CUL2: variants seen among roughly 807,000 people sequenced by gnomAD.
The protein encoded by CUL2 is cullin 2.
Under a neutral mutation model 110.2 loss-of-function variants are expected in CUL2, and 22 were observed. The ratio of observed to expected loss-of-function variants is 0.20; its 90% CI spans 0.14 to 0.28. CUL2 has a LOEUF of 0.28. Ranked by LOEUF, CUL2 falls within the 10% of genes least tolerant of loss-of-function variation. The pLI is 1.00. For missense variants in CUL2, 631 were observed against 905.5 expected (o/e 0.70, Z 3.89); for synonymous variants, 279 against 293.2 (o/e 0.95, Z 0.49).
intron 1 of CUL2, among the ~76,000 whole-genome samples, chr10:35,084,963 C>CA (rs1222246877): frequency 2.6e-5 from 4 of 150,984 alleles, no homozygotes; most frequent in Non-Finnish European, 5.9e-5. Flanking sequence ...ACTAAAAATA[C>CA]AAAAAAATTA....
At chr10:35,102,742 G>T (rs1433847109) in intron 1 of CUL2, among the ~76,000 whole-genome samples, 1 of 151,926 alleles carries the variant, frequency 6.6e-6, no homozygotes, top group Non-Finnish European at 1.5e-5. Flanking sequence ...AATTAGCCGG[G>T]TGCAGTGGCA....
chr10:35,017,796 G>A (rs2085074290), intron 17 of CUL2, among the ~76,000 whole-genome samples: 2 of 150,746 alleles, frequency 1.3e-5, no homozygotes, highest in Admixed American at 1.3e-4. Context: ...GGAGACAGCA[G>A]CATGACATCA....
In CUL2 at chr10:35,106,297, GTTTTTTGTTTTT is replaced by G. The variant is rs1431438005; in HGVS notation, c.-50-5249_-50-5238del. ...TTAGCCTCCTATAAAAAATAAATGT[GTTTTTTGTTTTT>G]TTTTTTGTGGGTTTTTTTTTGTTTG... On this transcript the variant is annotated intron_variant, in intron 1 of 5. Coordinates refer to the CUL2 transcript ENST00000685421. Among the ~76,000 whole-genome samples, 8 of 146,948 alleles carry G rather than the reference GTTTTTTGTTTTT, an allele frequency of 5.4e-5. No homozygotes were observed. In the East Asian group the frequency reaches 1.4e-3, roughly 25 times the overall value.
chr10:35,087,334 A>G (rs1303854458), intron 1 of CUL2, among the ~76,000 whole-genome samples: 1 of 152,220 alleles, frequency 6.6e-6, no homozygotes, highest in Non-Finnish European at 1.5e-5. Context: ...ATACCAATAA[A>G]TAAATGCTGA....
At chr10:35,124,332 A>T (rs1453671110) in intron 1 of CUL2, among the ~76,000 whole-genome samples, 1 of 152,198 alleles carries the variant, frequency 6.6e-6, no homozygotes, top group African/African-American at 2.4e-5. Flanking sequence ...CTATAATCCC[A>T]GCACTTTCAG....
chr10:35,085,123 AAAT>A (rs1160833454), intron 1 of CUL2, among the ~76,000 whole-genome samples: 1 of 151,678 alleles, frequency 6.6e-6, no homozygotes, highest in African/African-American at 2.4e-5. Flanking sequence ...CCATCTCAAA[AAAT>A]AATAATAATA....
intron 1 of CUL2, among the ~76,000 whole-genome samples, chr10:35,072,120 C>T (rs1289530316): frequency 1.3e-5 from 2 of 152,034 alleles, no homozygotes; most frequent in East Asian, 1.9e-4. Context: ...AAAGGCTTTA[C>T]CTTCCTGGAG....
chr10:35,084,195 TGA>T (rs2087006815), intron 1 of CUL2, among the ~76,000 whole-genome samples: 1 of 152,160 alleles, frequency 6.6e-6, no homozygotes. Flanking sequence ...GAGAATCACT[TGA>T]ACCCAGGAGG....
At chr10:35,020,751 A>G (rs1335911556) in intron 17 of CUL2, among the ~76,000 whole-genome samples, 1 of 152,142 alleles carries the variant, frequency 6.6e-6, no homozygotes, top group African/African-American at 2.4e-5. Flanking sequence ...CTCTTTATCA[A>G]GTATCTGTAT....
intron 2 of CUL2, among the ~76,000 whole-genome samples, chr10:35,066,443 G>A (rs2086528089): frequency 6.6e-6 from 1 of 151,088 alleles, no homozygotes; most frequent in Admixed American, 6.7e-5. Flanking sequence ...GATTACAGTT[G>A]AGCGCCACCA....
chr10:35,059,240 A>G (rs2086321225), intron 4 of CUL2, among the ~76,000 whole-genome samples: 1 of 152,212 alleles, frequency 6.6e-6, no homozygotes, highest in African/African-American at 2.4e-5. Flanking sequence ...TACTGCAGGT[A>G]AAATGCTATC....
intron 2 of CUL2, among the ~76,000 whole-genome samples, chr10:35,070,981 A>G (rs2086662167): frequency 6.6e-6 from 1 of 152,206 alleles, no homozygotes; most frequent in African/African-American, 2.4e-5. Flanking sequence ...AGCCTAAAGT[A>G]GTCCTTGACA....
intron 1 of CUL2, among the ~76,000 whole-genome samples, chr10:35,085,244 C>T (rs2087032160): frequency 6.6e-6 from 1 of 150,942 alleles, no homozygotes; most frequent in African/African-American, 2.4e-5. Flanking sequence ...CTGGCTAACA[C>T]AGTGAAACCC....
At chr10:35,046,300 C>T (rs2085938423) in intron 6 of CUL2, among the ~76,000 whole-genome samples, 1 of 152,202 alleles carries the variant, frequency 6.6e-6, no homozygotes, top group Non-Finnish European at 1.5e-5. Flanking sequence ...CTGATCTGAA[C>T]TGTTACCTAT....
Position 35,014,252 on chromosome 10 carries a change from G to A in CUL2, c.1888-452C>T, listed in dbSNP as rs188601323. On this transcript the variant is annotated intron_variant, in intron 18 of 20. Coordinates refer to ENST00000374749, the MANE Select transcript of CUL2 (RefSeq NM_003591.4). ...GTAAATGGCCTGATGACAAGAGAAA[G>A]CTGTGCCTCCAGTAGCACACAGCAT... 1.8e-4 allele frequency among the ~76,000 whole-genome samples: 28 copies of A among 152,280 alleles called. No homozygotes were observed. In the East Asian group the frequency reaches 5.2e-3, roughly 28 times the overall value.
At chr10:35,114,609 C>G (rs1315129842) in intron 1 of CUL2, among the ~76,000 whole-genome samples, 1 of 151,122 alleles carries the variant, frequency 6.6e-6, no homozygotes, top group African/African-American at 2.4e-5. Context: ...TCTCGAACTC[C>G]TGACTTCATG....
At chr10:35,010,506 AC>A (rs1320019585) in intron 20 of CUL2, 64 bp from the exon 21 acceptor site, 1 of 1,505,896 alleles carries the variant, frequency 6.6e-7, no homozygotes, top group African/African-American at 1.4e-5. Flanking sequence ...ATGACTTTTA[AC>A]CAATCAGTTT....
At chr10:35,011,177 TGCC>T (rs1179862130) in intron 20 of CUL2, among the ~76,000 whole-genome samples, 1 of 151,952 alleles carries the variant, frequency 6.6e-6, no homozygotes, top group Non-Finnish European at 1.5e-5. Flanking sequence ...ACTACAAGTG[TGCC>T]GCCACAACTG....
chr10:35,064,844 C>T (rs1374822169), intron 2 of CUL2, among the ~76,000 whole-genome samples: 2 of 152,056 alleles, frequency 1.3e-5, no homozygotes, highest in African/African-American at 4.8e-5. Context: ...CTCAATATAT[C>T]CACTGCATGT....
Sources: allele counts gnomAD v4.1 joint callset (sites outside exome capture counted in the v4.1 genomes callset), GRCh38; gene constraint gnomAD v4.1.1; transcripts MANE v1.5; gene names NCBI Gene and HGNC (gene_info 2026-07-23, HGNC 2026-07-21).